Variants in PRLR observed in about 807,000 individuals in gnomAD.
The protein encoded by PRLR is prolactin receptor.
In PRLR, 13 loss-of-function variants were observed where a neutral mutation model predicts 40.2. The ratio of observed to expected loss-of-function variants is 0.32; its 90% CI spans 0.21 to 0.51. PRLR has a LOEUF of 0.51. PRLR is among the 20% of genes least tolerant of loss of function. The pLI is 0.97. For synonymous variants in PRLR, 269 were observed against 278.7 expected, an observed-to-expected ratio of 0.97 and a Z score of 0.35; for missense variants, 656 against 747.3, an observed-to-expected ratio of 0.88 and a Z score of 1.42.
At chr5:35,075,422 A>T (rs770224959) in intron 5 of PRLR, among the ~76,000 whole-genome samples, 3 of 152,242 alleles carry the variant, frequency 2.0e-5, no homozygotes, top group African/African-American at 4.8e-5. Context: ...TCCCAAGCCC[A>T]TGGAGCCTTG....
Position 35,108,967 on chromosome 5 carries a change from T to C in PRLR, c.-44+9094A>G, listed in dbSNP as rs576339766. Among the ~76,000 whole-genome samples the C allele has an allele frequency of 4.7e-4, 71 of 152,280 alleles. No individual in the cohort carries two copies. In the South Asian group the frequency reaches 0.014, roughly 30 times the overall value. On this transcript the variant is annotated intron_variant, in intron 2 of 9. Coordinates refer to ENST00000618457, the MANE Select transcript of PRLR (RefSeq NM_000949.7). ...CATCATGCTGCCTGACTTCAAACTA[T>C]ACTACAAGGCTACAGTAACCAAAAC...
intron 5 of PRLR, chr5:35,081,972 C>T (rs1447930797): frequency 5.3e-6 from 1 of 188,214 alleles, no homozygotes; most frequent in Non-Finnish European, 1.1e-5. Flanking sequence ...GGGTGGTGGA[C>T]TCATGGTCCA....
At chr5:35,102,607 A>G (rs13173198) in intron 2 of PRLR, among the ~76,000 whole-genome samples, 36 of 145,662 alleles carry the variant, frequency 2.5e-4, no homozygotes, top group Middle Eastern at 3.8e-3. Flanking sequence ...CAGTGGCCCA[A>G]TCTTGGCTCA....
intron 1 of PRLR, among the ~76,000 whole-genome samples, chr5:35,144,013 A>ATGTTTT (rs1774101190): frequency 6.7e-6 from 1 of 149,986 alleles, no homozygotes; most frequent in Admixed American, 6.8e-5. Flanking sequence ...TTCTGTAGAC[A>ATGTTTT]TTTTGCCTTC....
At chr5:35,140,383 T>C (rs1168100251) in intron 1 of PRLR, among the ~76,000 whole-genome samples, 1 of 152,236 alleles carries the variant, frequency 6.6e-6, no homozygotes, top group African/African-American at 2.4e-5. Flanking sequence ...TCCATCTGTA[T>C]TGGCCAGGTT....
chr5:35,208,177 G>GCACACACACACACACACA (rs1281536944), intron 1 of PRLR, among the ~76,000 whole-genome samples: 1 of 87,150 alleles, frequency 1.1e-5, no homozygotes, highest in African/African-American at 3.4e-5. Flanking sequence ...CCACGCGCGC[G>GCACACACACACACACACA]CACACACACA....
chr5:35,213,421 T>C (rs1776215738), intron 1 of PRLR, among the ~76,000 whole-genome samples: 1 of 152,210 alleles, frequency 6.6e-6, no homozygotes, highest in Non-Finnish European at 1.5e-5. Flanking sequence ...CTTTACATTA[T>C]TCCCTTTACA....
chr5:35,167,307 A>G (rs6884686), intron 1 of PRLR, among the ~76,000 whole-genome samples: 1,623 of 152,194 alleles, frequency 0.011, 33 homozygotes, highest in African/African-American at 0.038. Context: ...GGCATTTGCC[A>G]ATTTTTGGAG....
intron 5 of PRLR, among the ~76,000 whole-genome samples, chr5:35,080,357 A>T (rs1770424204): frequency 1.3e-5 from 2 of 152,202 alleles, no homozygotes. Flanking sequence ...AAAATCAAAC[A>T]ACCCCATCAA....
In PRLR at chr5:35,136,180, C is replaced by A. The variant is rs79758669; in HGVS notation, c.-105-18058G>T. 2.3e-3 allele frequency among the ~76,000 whole-genome samples: 343 copies of A among 152,276 alleles called. 3 individuals are homozygous for A. The highest frequency in any genetic ancestry group is 6.8e-3 in the Middle Eastern group (2 of 294). On this transcript the variant is annotated intron_variant, in intron 1 of 9. Coordinates refer to ENST00000618457, the MANE Select transcript of PRLR (RefSeq NM_000949.7). ...CCAACAGGCAGAATAAATACATACA[C>A]AATAACAGAATTGTGCAAGTTTGTG...
intron 5 of PRLR, chr5:35,081,428 C>A: frequency 5.1e-6 from 1 of 197,072 alleles, no homozygotes; most frequent in South Asian, 9.6e-5. Flanking sequence ...TCAGTGGTGA[C>A]CTGACCTGCC....
downstream of PRLR, among the ~76,000 whole-genome samples, chr5:35,051,462 T>G (rs545384845): frequency 6.6e-6 from 1 of 152,332 alleles, no homozygotes; most frequent in African/African-American, 2.4e-5. Context: ...CTCTTGAACT[T>G]TACAATCAAG....
At chr5:35,218,048 C>T (rs1776328027) in intron 1 of PRLR, among the ~76,000 whole-genome samples, 1 of 152,076 alleles carries the variant, frequency 6.6e-6, no homozygotes, top group African/African-American at 2.4e-5. Flanking sequence ...AAATATTTAG[C>T]TTTTTGTAGG....
At chr5:35,050,928 G>A (rs927723607), downstream of PRLR, among the ~76,000 whole-genome samples, 4 of 152,206 alleles carry the variant, frequency 2.6e-5, no homozygotes, top group African/African-American at 9.6e-5. Context: ...AGAATGCTGT[G>A]TGCAGAGTGT....
At chr5:35,146,335 C>T (rs575705864) in intron 1 of PRLR, among the ~76,000 whole-genome samples, 8 of 152,144 alleles carry the variant, frequency 5.3e-5, no homozygotes, top group African/African-American at 9.7e-5. Flanking sequence ...CAGATTTGTA[C>T]GTGTACTCTT....
intron 1 of PRLR, among the ~76,000 whole-genome samples, chr5:35,213,887 C>G (rs1385516107): frequency 6.6e-6 from 1 of 152,180 alleles, no homozygotes; most frequent in Non-Finnish European, 1.5e-5. Context: ...TGCCTGGGGC[C>G]CAGTTCCTGC....
At chr5:35,197,196 T>A (rs982746620) in intron 1 of PRLR, among the ~76,000 whole-genome samples, 2 of 152,176 alleles carry the variant, frequency 1.3e-5, no homozygotes, top group Non-Finnish European at 2.9e-5. Flanking sequence ...CCGAGGACCT[T>A]AGCTATGATG....
chr5:35,106,347 T>C (rs1772249531), intron 2 of PRLR, among the ~76,000 whole-genome samples: 1 of 152,212 alleles, frequency 6.6e-6, no homozygotes, highest in South Asian at 2.1e-4. Context: ...GCTAGCATCA[T>C]AATGACAGGA....
intron 1 of PRLR, among the ~76,000 whole-genome samples, chr5:35,179,564 C>T (rs1228104692): frequency 2.0e-5 from 3 of 152,218 alleles, no homozygotes; most frequent in Non-Finnish European, 4.4e-5. Flanking sequence ...CAGTGGGTCA[C>T]ACAGTGACTT....
Sources: allele counts gnomAD v4.1 joint callset (sites outside exome capture counted in the v4.1 genomes callset), GRCh38; gene constraint gnomAD v4.1.1; transcripts MANE v1.5; gene names NCBI Gene and HGNC (gene_info 2026-07-23, HGNC 2026-07-21).